Variants in GNPNAT1 observed in about 807,000 individuals in gnomAD.
GNPNAT1 encodes the protein glucosamine-phosphate N-acetyltransferase 1.
Under a neutral mutation model 19.8 loss-of-function variants are expected in GNPNAT1, and 11 were observed. That is an observed-to-expected ratio of 0.56 (90% CI 0.35 to 0.92). The LOEUF (loss-of-function observed/expected upper bound fraction) is 0.92. Ranked by LOEUF, GNPNAT1 falls within the 40% of genes least tolerant of loss-of-function variation. The probability of loss-of-function intolerance (pLI) is 0.01; values close to 1 mark genes in which losing one functional copy is unlikely to be tolerated. For synonymous variants in GNPNAT1, 71 were observed against 72.3 expected, an observed-to-expected ratio of 0.98 and a Z score of 0.09; for missense variants, 157 against 211.0, an observed-to-expected ratio of 0.74 and a Z score of 1.59.
In GNPNAT1 at chr14:52,778,371, A is replaced by G. The variant is rs1363513833; in HGVS notation, c.495T>C (p.Tyr165=). ...LECLPQNVGF[Y]KKFGYTVSEE... is the part of the protein sequence containing the mutation. ...CAGATACAGTATATCCAAACTTTTTATAGAAACCAACATTTTGTGGTAGAC... is the reference window on the plus strand; with the variant it reads ...CAGATACAGTATATCCAAACTTTTTGTAGAAACCAACATTTTGTGGTAGAC... The change falls in exon 6 of 6, where the codon TAT becomes TAC. Residue 165 remains tyrosine (Y), a synonymous_variant. Transcript: ENST00000216410. The G allele has an allele frequency of 1.2e-6, 2 of 1,606,828 alleles. No homozygotes were observed. Among genetic ancestry groups the G allele is most frequent in the Non-Finnish European group, 1.7e-6 (2 of 1,177,540 alleles).
intron 2 of GNPNAT1, 55 bp downstream of exon 2, chr14:52,784,442 G>A: frequency 1.5e-6 from 2 of 1,359,892 alleles, no homozygotes; most frequent in Non-Finnish European, 2.0e-6. Context: ...GCATCATAAT[G>A]TTTAGAGAAA....
In GNPNAT1 at chr14:52,775,623, T is replaced by C. The variant is rs1882687496; in HGVS notation, c.*2688A>G. 2.0e-5 allele frequency: 3 copies of C among 152,342 alleles called. No homozygotes were observed. The highest frequency in any genetic ancestry group is 7.2e-5 in the African/African-American group (3 of 41,578). The allele number at this position is 152,342 out of a possible 1,614,324, so 9.4% of individuals were successfully genotyped here. ...CAAAGATGTGAACGGCCAGACACGG[T>C]AGCCGACATATGTAATCCCAGATAC... On this transcript the variant is annotated 3_prime_UTR_variant, in exon 6 of 6. Coordinates refer to ENST00000216410, the MANE Select transcript of GNPNAT1 (RefSeq NM_198066.4).
chr14:52,776,309 C>A lies in GNPNAT1; in HGVS notation c.*2002G>T, dbSNP rs974045077. ...CTTTTTTCATATTTACATTTACTCA[C>A]CATATGGCTTCAAAAATCATAAACA... On this transcript the variant is annotated 3_prime_UTR_variant, in exon 6 of 6. Coordinates refer to ENST00000216410, the MANE Select transcript of GNPNAT1 (RefSeq NM_198066.4). 4 of 152,112 alleles carry A rather than the reference C, an allele frequency of 2.6e-5. No individual in the cohort carries two copies. The highest frequency in any genetic ancestry group is 6.6e-5 in the Admixed American group (1 of 15,254). 9.4% of individuals were successfully genotyped at this position (152,112 alleles called of 1,614,324 possible). A position where few individuals can be genotyped will look rare whatever the true frequency, so the allele number is the denominator to read the frequency against.
At chr14:52,781,942 A>G (rs1221748194) in intron 3 of GNPNAT1, 31 bp from the exon 4 acceptor site, 6 of 1,551,992 alleles carry the variant, frequency 3.9e-6, no homozygotes, top group South Asian at 1.2e-5. Flanking sequence ...AGTGTTACAT[A>G]GTAGACATTC....
intron 1 of GNPNAT1, among the ~76,000 whole-genome samples, chr14:52,790,298 T>C (rs1471678630): frequency 6.6e-6 from 1 of 152,194 alleles, no homozygotes; most frequent in Non-Finnish European, 1.5e-5. Flanking sequence ...AGCCTATGTA[T>C]TTCTCAAGAG....
At chr14:52,788,162 C>A (rs1012154690) in intron 1 of GNPNAT1, among the ~76,000 whole-genome samples, 5 of 151,886 alleles carry the variant, frequency 3.3e-5, no homozygotes, top group African/African-American at 1.2e-4. Flanking sequence ...ACTCTGTTGC[C>A]CAGGCTGGAG....
chr14:52,782,198 C>G (rs1882908788), intron 3 of GNPNAT1, among the ~76,000 whole-genome samples: 1 of 151,956 alleles, frequency 6.6e-6, no homozygotes, highest in African/African-American at 2.4e-5. Flanking sequence ...CTGATGTTGC[C>G]ACTTCCATGA....
rs534341141 is a variant in GNPNAT1 at position 52,789,532 on chromosome 14, CAG to C, written c.-15+1894_-15+1895del. Among the ~76,000 whole-genome samples the C allele has an allele frequency of 1.7e-3, 262 of 152,236 alleles. 2 individuals carry two copies. Among genetic ancestry groups the C allele is most frequent in the Non-Finnish European group, 2.7e-3 (181 of 68,024 alleles). On this transcript the variant is annotated intron_variant, in intron 1 of 5. Coordinates refer to ENST00000216410, the MANE Select transcript of GNPNAT1 (RefSeq NM_198066.4). ...TTTTTTTATGAGCTATTCTACAAAA[CAG>C]AGCCATACTGAAGGCCCACTTTAGC...
Position 52,777,478 on chromosome 14 carries a change from C to T in GNPNAT1, c.*833G>A, listed in dbSNP as rs3193498. On this transcript the variant is annotated 3_prime_UTR_variant, in exon 6 of 6. Coordinates refer to ENST00000216410, the MANE Select transcript of GNPNAT1 (RefSeq NM_198066.4). ...GTGTTTCACTCAATTTTGTGATACTCCATTTTTGAAAAAACTTAGAGGCTT... is the reference window on the plus strand; with the variant it reads ...GTGTTTCACTCAATTTTGTGATACTTCATTTTTGAAAAAACTTAGAGGCTT... 1 of 151,832 alleles carries T rather than the reference C, an allele frequency of 6.6e-6. No individual in the cohort carries two copies. Among genetic ancestry groups the T allele is most frequent in the Non-Finnish European group, 1.5e-5 (1 of 67,958 alleles). 9.4% of individuals were successfully genotyped at this position (151,832 alleles called of 1,614,324 possible).
chr14:52,781,721 T>A (rs575724999), intron 4 of GNPNAT1, 63 bp downstream of exon 4: 8 of 1,480,074 alleles, frequency 5.4e-6, no homozygotes, highest in Non-Finnish European at 7.3e-6. Flanking sequence ...ATTTGTCTAA[T>A]GGAAACTCAA....
Position 52,791,190 on chromosome 14 carries a change from G to A in GNPNAT1, c.-15+238C>T, listed in dbSNP as rs1883166459. Among the ~76,000 whole-genome samples the A allele has an allele frequency of 6.6e-6, 1 of 152,142 alleles. No individual in the cohort carries two copies. The highest frequency in any genetic ancestry group is 1.9e-4 in the East Asian group (1 of 5,178). Reference sequence around the variant, plus strand: ...GCCAAGACCAGCGTATGGCCGGACCGCTGGCCATCATCCTTAACCTCTGCT... The same window carrying A: ...GCCAAGACCAGCGTATGGCCGGACCACTGGCCATCATCCTTAACCTCTGCT... On this transcript the variant is annotated intron_variant, in intron 1 of 5. Transcript: ENST00000216410. This position sits in a 1 kb window ranked among gnomAD's most constrained non-coding sequence, Gnocchi z 4.1.
intron 4 of GNPNAT1, among the ~76,000 whole-genome samples, chr14:52,781,304 G>A (rs1276921040): frequency 6.6e-6 from 1 of 152,012 alleles, no homozygotes; most frequent in Admixed American, 6.6e-5. Flanking sequence ...ATTCCTAAGT[G>A]TGACAGAACA....
chr14:52,787,199 A>G lies in GNPNAT1; in HGVS notation c.-14-2535T>C, dbSNP rs1226103043. Among the ~76,000 whole-genome samples, 3 of 152,070 alleles carry G rather than the reference A, an allele frequency of 2.0e-5. No homozygotes were observed. In the East Asian group the frequency reaches 5.9e-4, roughly 30 times the overall value. The stretch of plus-strand genomic sequence containing the variant: ...GTTAAAGAAACCATATTTTAATGAG[A>G]GAACAATTTGCCCAATAACCTAACC... On this transcript the variant is annotated intron_variant, in intron 1 of 5. Transcript: ENST00000216410.
rs763354939 is a variant in GNPNAT1 at position 52,781,955 on chromosome 14, T to C, written c.218-44A>G. On this transcript the variant is annotated intron_variant, in intron 3 of 5. Coordinates refer to ENST00000216410, the MANE Select transcript of GNPNAT1 (RefSeq NM_198066.4). The stretch of plus-strand genomic sequence containing the variant: ...AAAGTGTTACATAGTAGACATTCAA[T>C]TTTATGGGGAGCCAGAAAAATATTA... 4 of 1,523,534 alleles carry C rather than the reference T, an allele frequency of 2.6e-6. No homozygotes were observed. The Admixed American group carries it at 9.3e-5, about 35-fold the overall frequency. The allele number at this position is 1,523,534 out of a possible 1,614,324, so 94.4% of individuals were successfully genotyped here. A position where few individuals can be genotyped will look rare whatever the true frequency, so the allele number is the denominator to read the frequency against.
intron 5 of GNPNAT1, among the ~76,000 whole-genome samples, chr14:52,780,161 CAG>C (rs1279565161): frequency 6.6e-6 from 1 of 152,174 alleles, no homozygotes; most frequent in Non-Finnish European, 1.5e-5. Flanking sequence ...CTGTCAAAAA[CAG>C]ACCCTGTCTC....
Position 52,777,831 on chromosome 14 carries a change from T to G in GNPNAT1, c.*480A>C, listed in dbSNP as rs1433767562. 6.6e-6 allele frequency: 1 copy of G among 152,240 alleles called. No individual in the cohort carries two copies. The highest frequency in any genetic ancestry group is 2.4e-5 in the African/African-American group (1 of 41,456). 9.4% of individuals were successfully genotyped at this position (152,240 alleles called of 1,614,324 possible). A position where few individuals can be genotyped will look rare whatever the true frequency, so the allele number is the denominator to read the frequency against. On this transcript the variant is annotated 3_prime_UTR_variant, in exon 6 of 6. Coordinates refer to ENST00000216410, the MANE Select transcript of GNPNAT1 (RefSeq NM_198066.4). ...CTATACTATGTTTAGTTATAATAAC[T>G]AATTTATCCACCCTGACTTAATATG...
At chr14:52,783,006 C>T (rs768894961) in intron 3 of GNPNAT1, among the ~76,000 whole-genome samples, 13 of 151,920 alleles carry the variant, frequency 8.6e-5, no homozygotes, top group South Asian at 6.2e-4. Context: ...GGGCAGGGGA[C>T]GGGTGGACTA....
rs1302389433 is a variant in GNPNAT1, at chr14:52,777,104, CGTGGT to C, written c.*1202_*1206del. On this transcript the variant is annotated 3_prime_UTR_variant, in exon 6 of 6. Transcript: ENST00000216410. ...GGAGGGAAATCCAAAATCCAGATGA[CGTGGT>C]GTGAGTCAATGGGATGAGAAACACT... 1 of 152,220 alleles carries C rather than the reference CGTGGT, an allele frequency of 6.6e-6. No individual in the cohort carries two copies. The highest frequency in any genetic ancestry group is 1.5e-5 in the Non-Finnish European group (1 of 68,030). 9.4% of individuals were successfully genotyped at this position (152,220 alleles called of 1,614,324 possible).
intron 1 of GNPNAT1, among the ~76,000 whole-genome samples, chr14:52,786,465 T>C (rs551553622): frequency 1.2e-3 from 183 of 152,160 alleles, no homozygotes; most frequent in Non-Finnish European, 2.1e-3. Flanking sequence ...GATCACACCA[T>C]TGCGTTCCAG....
Sources: allele counts gnomAD v4.1 joint callset (sites outside exome capture counted in the v4.1 genomes callset), GRCh38; gene constraint gnomAD v4.1.1; non-coding constraint Gnocchi (gnomAD v3.1); transcripts MANE v1.5; gene names NCBI Gene and HGNC (gene_info 2026-07-23, HGNC 2026-07-21).